Variants in GALNTL6 observed in about 807,000 individuals in gnomAD.
GALNTL6 encodes the protein polypeptide N-acetylgalactosaminyltransferase like 6.
Under a neutral mutation model 73.7 loss-of-function variants are expected in GALNTL6, and 46 were observed. That is an observed-to-expected ratio of 0.62 (90% CI 0.49 to 0.80). The LOEUF (loss-of-function observed/expected upper bound fraction) is 0.80. Ranked by LOEUF, GALNTL6 falls within the 30% of genes least tolerant of loss-of-function variation. The probability of loss-of-function intolerance (pLI) is 0.00; values close to 1 mark genes in which losing one functional copy is unlikely to be tolerated. For synonymous variants in GALNTL6, 259 were observed against 263.7 expected, an observed-to-expected ratio of 0.98 and a Z score of 0.17; for missense variants, 604 against 755.0, an observed-to-expected ratio of 0.80 and a Z score of 2.34.
intron 7 of GALNTL6, among the ~76,000 whole-genome samples, chr4:172,849,739 A>T (rs1251543014): frequency 1.3e-5 from 2 of 152,048 alleles, no homozygotes; most frequent in African/African-American, 4.8e-5. Context: ...CTTGTTTTTA[A>T]TCTACATGCA....
intron 2 of GALNTL6, among the ~76,000 whole-genome samples, chr4:172,081,033 T>TA (rs1351137427): frequency 6.6e-6 from 1 of 152,128 alleles, no homozygotes; most frequent in Non-Finnish European, 1.5e-5. Context: ...ATAACCTATT[T>TA]AAAACAATCA....
At chr4:171,841,329 T>G (rs1735234281) in intron 2 of GALNTL6, among the ~76,000 whole-genome samples, 3 of 152,160 alleles carry the variant, frequency 2.0e-5, no homozygotes, top group African/African-American at 7.2e-5. Context: ...TGCAATTTGA[T>G]CACTGCAAAT....
At chr4:172,200,734 G>A (rs1428855226) in intron 2 of GALNTL6, among the ~76,000 whole-genome samples, 1 of 152,164 alleles carries the variant, frequency 6.6e-6, no homozygotes, top group East Asian at 1.9e-4. Context: ...GTGAACCATA[G>A]GCAGTAAGTG....
chr4:172,830,434 T>C (rs1742561098), intron 7 of GALNTL6, among the ~76,000 whole-genome samples: 1 of 9,908 alleles, frequency 1.0e-4, no homozygotes, highest in Non-Finnish European at 3.6e-3. Context: ...TTTGTTTGTG[T>C]TATACTGCCA....
At chr4:172,633,802 T>C (rs1739520313) in intron 5 of GALNTL6, among the ~76,000 whole-genome samples, 1 of 152,210 alleles carries the variant, frequency 6.6e-6, no homozygotes, top group South Asian at 2.1e-4. Flanking sequence ...GATTGAATCA[T>C]GAGGGCAGTT....
intron 7 of GALNTL6, among the ~76,000 whole-genome samples, chr4:172,822,942 T>TA (rs1366400808): frequency 6.6e-6 from 1 of 152,206 alleles, no homozygotes; most frequent in Non-Finnish European, 1.5e-5. Context: ...ATTTATTCCT[T>TA]AGCTGGGCAT....
At chr4:171,880,252 T>C (rs895155089) in intron 2 of GALNTL6, among the ~76,000 whole-genome samples, 2 of 152,212 alleles carry the variant, frequency 1.3e-5, no homozygotes, top group Non-Finnish European at 2.9e-5. Flanking sequence ...TGTTTATTAC[T>C]GTACTAAAAC....
intron 5 of GALNTL6, among the ~76,000 whole-genome samples, chr4:172,726,149 T>G (rs907472470): frequency 6.6e-6 from 1 of 152,322 alleles, no homozygotes; most frequent in Admixed American, 6.5e-5. Flanking sequence ...GGCTTCCTGC[T>G]GAGCCCTGTA....
intron 5 of GALNTL6, among the ~76,000 whole-genome samples, chr4:172,374,093 C>T (rs1029839997): frequency 5.3e-5 from 8 of 152,162 alleles, no homozygotes; most frequent in African/African-American, 1.2e-4. Context: ...GTGATTGCCT[C>T]GGCATAGTGG....
At chr4:171,927,270 A>G (rs1415133042) in intron 2 of GALNTL6, among the ~76,000 whole-genome samples, 8 of 152,160 alleles carry the variant, frequency 5.3e-5, no homozygotes, top group African/African-American at 1.9e-4. Context: ...ATTTGAAATT[A>G]TATTGTTGGT....
rs377345203 is a variant in GALNTL6 at position 172,715,897 on chromosome 4, T to C, written c.554-93464T>C. On this transcript the variant is annotated intron_variant, in intron 5 of 12. Coordinates refer to ENST00000506823, the MANE Select transcript of GALNTL6 (RefSeq NM_001034845.3). Reference sequence around the variant, plus strand: ...AACAAACTAAGTACACTATGTTACTTCATGAAGTAATTGTTTAATGACAAA... The same window carrying C: ...AACAAACTAAGTACACTATGTTACTCCATGAAGTAATTGTTTAATGACAAA... Among the ~76,000 whole-genome samples the C allele has an allele frequency of 8.5e-4, 129 of 152,300 alleles. 2 individuals carry two copies. In the South Asian group the frequency reaches 0.025, roughly 29 times the overall value.
chr4:172,841,305 C>T (rs1001266562), intron 7 of GALNTL6, among the ~76,000 whole-genome samples: 9 of 152,098 alleles, frequency 5.9e-5, no homozygotes, highest in South Asian at 4.1e-4. Flanking sequence ...TCAAGTGTTC[C>T]GTGCATATCG....
intron 5 of GALNTL6, among the ~76,000 whole-genome samples, chr4:172,792,649 T>G (rs1218806624): frequency 6.7e-6 from 1 of 150,328 alleles, no homozygotes; most frequent in Non-Finnish European, 1.5e-5. Context: ...GGATTCACGA[T>G]TCACATGACT....
chr4:172,057,726 AAATATAT>A (rs1446663470), intron 2 of GALNTL6, among the ~76,000 whole-genome samples: 803 of 72,744 alleles, frequency 0.011, 20 homozygotes, highest in African/African-American at 0.038. Flanking sequence ...AAAAAAAAAA[AAATATAT>A]ATATATATAT....
chr4:171,889,503 T>A (rs945811534), intron 2 of GALNTL6, among the ~76,000 whole-genome samples: 1 of 152,072 alleles, frequency 6.6e-6, no homozygotes, highest in Admixed American at 6.6e-5. Flanking sequence ...ATCAAATCAA[T>A]CTAGGCTGAG....
At chr4:172,727,667 T>C (rs556535256) in intron 5 of GALNTL6, among the ~76,000 whole-genome samples, 1 of 152,272 alleles carries the variant, frequency 6.6e-6, no homozygotes, top group African/African-American at 2.4e-5. Context: ...ATTTGTTGTG[T>C]TGTATCCTAA....
chr4:172,336,270 G>GT (rs138448149), intron 4 of GALNTL6, among the ~76,000 whole-genome samples: 83,224 of 106,930 alleles, frequency 0.78, 35,390 homozygotes, highest in Admixed American at 0.86. Context: ...GTATAGTTTT[G>GT]TTTTGTTTTT....
At chr4:172,743,972 G>A (rs545251031) in intron 5 of GALNTL6, among the ~76,000 whole-genome samples, 37 of 152,126 alleles carry the variant, frequency 2.4e-4, no homozygotes, top group African/African-American at 8.9e-4. Flanking sequence ...TCATCTTAGC[G>A]GTTCCAGAGG....
chr4:171,854,903 A>G (rs1158673329), intron 2 of GALNTL6, among the ~76,000 whole-genome samples: 1 of 152,214 alleles, frequency 6.6e-6, no homozygotes, highest in Non-Finnish European at 1.5e-5. Flanking sequence ...CTTTCCATCC[A>G]TAGCAGATGT....
Sources: gnomAD v4.1 joint callset for allele counts (sites outside exome capture counted in the v4.1 genomes callset) on GRCh38, gnomAD v4.1.1 for gene constraint, MANE v1.5 for transcripts, NCBI Gene and HGNC (gene_info 2026-07-23, HGNC 2026-07-21) for gene names.